The following CPED1 variants were observed in gnomAD, a reference collection of about 807,000 sequenced individuals.
CPED1 encodes cadherin-like and PC-esterase domain-containing protein 1.
A neutral mutation model predicts 128.2 loss-of-function variants in CPED1; 114 were observed. That is an observed-to-expected ratio of 0.89 (90% CI 0.76 to 1.04). The LOEUF is 1.04. CPED1 is among the 50% of genes least tolerant of loss of function. The pLI is 0.00. For missense variants in CPED1, 1,211 were observed against 1,207.1 expected (o/e 1.00, Z -0.05); for synonymous variants, 462 against 426.7 (o/e 1.08, Z -1.02).
At chr7:121,170,903 T>G (rs1013397552) in intron 16 of CPED1, among the ~76,000 whole-genome samples, 4 of 151,560 alleles carry the variant, frequency 2.6e-5, no homozygotes, top group African/African-American at 4.8e-5. Flanking sequence ...ATACAAAAAT[T>G]AGCGGGTGTG....
intron 7 of CPED1, among the ~76,000 whole-genome samples, chr7:121,107,815 C>T (rs1018563321): frequency 1.3e-5 from 2 of 151,920 alleles, no homozygotes; most frequent in African/African-American, 4.8e-5. Context: ...TCCTTTATTC[C>T]TTGAGATCTG....
At chr7:121,183,834 C>A (rs1796946865) in intron 16 of CPED1, among the ~76,000 whole-genome samples, 1 of 152,096 alleles carries the variant, frequency 6.6e-6, no homozygotes, top group Admixed American at 6.6e-5. Context: ...AAGATTCATA[C>A]AATTCACTTG....
chr7:121,100,454 T>C (rs1037224387), intron 7 of CPED1, among the ~76,000 whole-genome samples: 1 of 152,196 alleles, frequency 6.6e-6, no homozygotes, highest in Non-Finnish European at 1.5e-5. Context: ...CAATTTTGCC[T>C]TTGTGCTTTT....
intron 16 of CPED1, among the ~76,000 whole-genome samples, chr7:121,222,687 G>T (rs576539270): frequency 6.6e-6 from 1 of 152,144 alleles, no homozygotes; most frequent in Admixed American, 6.6e-5. Flanking sequence ...TCCTAAGTTG[G>T]ATTTCTACTT....
At chr7:121,251,084 G>A (rs1235421087) in intron 18 of CPED1, among the ~76,000 whole-genome samples, 1 of 152,090 alleles carries the variant, frequency 6.6e-6, no homozygotes, top group Admixed American at 6.5e-5. Context: ...CTGGCAAACC[G>A]AATCCAGCAA....
At chr7:121,289,764 G>T (rs1483055041) in intron 22 of CPED1, among the ~76,000 whole-genome samples, 3 of 151,922 alleles carry the variant, frequency 2.0e-5, no homozygotes, top group African/African-American at 7.3e-5. Flanking sequence ...TTTTATAATT[G>T]CATTAAAATG....
chr7:121,194,925 T>C (rs938967209), intron 16 of CPED1: 9 of 152,094 alleles, frequency 5.9e-5, no homozygotes, highest in Non-Finnish European at 8.8e-5. Context: ...TGTTCCACCA[T>C]GCCAGGCTAA....
chr7:121,279,719 C>A (rs1430473986), intron 22 of CPED1, among the ~76,000 whole-genome samples: 1 of 152,172 alleles, frequency 6.6e-6, no homozygotes, highest in Admixed American at 6.6e-5. Context: ...CCAGCCCATA[C>A]AGTTGGGAAT....
chr7:121,199,899 T>C, intron 16 of CPED1, among the ~76,000 whole-genome samples: 1 of 152,190 alleles, frequency 6.6e-6, no homozygotes, highest in South Asian at 2.1e-4. Context: ...CAAAATATTA[T>C]GTTTCAATAT....
intron 7 of CPED1, among the ~76,000 whole-genome samples, chr7:121,105,027 C>T (rs894989742): frequency 5.9e-5 from 9 of 151,960 alleles, no homozygotes; most frequent in African/African-American, 2.2e-4. Context: ...TTTGTAAGTT[C>T]TAAATCACCA....
intron 7 of CPED1, 76 bp downstream of exon 7, chr7:121,100,170 C>T (rs553437004): frequency 2.4e-5 from 32 of 1,330,300 alleles, no homozygotes; most frequent in Non-Finnish European, 3.0e-5. Flanking sequence ...TGCCATTTTC[C>T]CACCTTTATG....
intron 16 of CPED1, among the ~76,000 whole-genome samples, chr7:121,223,402 AT>A (rs1482558482): frequency 1.3e-5 from 2 of 152,140 alleles, no homozygotes; most frequent in African/African-American, 4.8e-5. Flanking sequence ...CATCATGGAT[AT>A]TGGTCTACAA....
chr7:121,033,553 T>C (rs1792796899), intron 3 of CPED1, among the ~76,000 whole-genome samples: 1 of 152,240 alleles, frequency 6.6e-6, no homozygotes, highest in African/African-American at 2.4e-5. Context: ...GTGAGTGTTA[T>C]CATTCCTGGG....
chr7:121,051,552 G>T, intron 4 of CPED1: 1 of 402,566 alleles, frequency 2.5e-6, no homozygotes, highest in Non-Finnish European at 4.7e-6. Flanking sequence ...GAAATATGAA[G>T]TCAGTCCTGC....
chr7:120,990,204 A>G (rs1311570027), intron 2 of CPED1, among the ~76,000 whole-genome samples: 2 of 152,216 alleles, frequency 1.3e-5, no homozygotes, highest in African/African-American at 2.4e-5. Flanking sequence ...ATTCAAAAAC[A>G]TAAATCAAAG....
chr7:120,992,028 T>C (rs1323534348), intron 2 of CPED1, among the ~76,000 whole-genome samples: 2 of 152,166 alleles, frequency 1.3e-5, no homozygotes, highest in African/African-American at 2.4e-5. Context: ...ATTCTACTTA[T>C]AGTATATGTT....
chr7:121,242,860 C>G (rs4731001), intron 17 of CPED1, among the ~76,000 whole-genome samples: 1 of 151,744 alleles, frequency 6.6e-6, no homozygotes, highest in Non-Finnish European at 1.5e-5. Flanking sequence ...AATATACCTA[C>G]ATTTCTTTCT....
chr7:121,076,663 T>C (rs543001286), intron 5 of CPED1: 1 of 152,322 alleles, frequency 6.6e-6, no homozygotes, highest in Non-Finnish European at 1.5e-5. Context: ...GAGTTTTCTC[T>C]CTCTTCTTAT....
chr7:121,003,206 A>G (rs1163136747), intron 2 of CPED1, among the ~76,000 whole-genome samples: 1 of 152,176 alleles, frequency 6.6e-6, no homozygotes. Flanking sequence ...CCTTCATTCA[A>G]AAGATGTCTT....
Sources: gnomAD v4.1 joint callset for allele counts (sites outside exome capture counted in the v4.1 genomes callset) on GRCh38, gnomAD v4.1.1 for gene constraint, MANE v1.5 for transcripts, NCBI Gene and HGNC (gene_info 2026-07-23, HGNC 2026-07-21) for gene names.